ULK4: variants seen among roughly 807,000 people sequenced by gnomAD.
The protein encoded by ULK4 is inactive serine/threonine-protein kinase ULK4.
Under a neutral mutation model 160.6 loss-of-function variants are expected in ULK4, and 133 were observed. The ratio of observed to expected loss-of-function variants is 0.83; its 90% confidence interval spans 0.72 to 0.96. ULK4 has a LOEUF of 0.96. ULK4 is among the 40% of genes least tolerant of loss of function. The pLI, the probability that ULK4 is intolerant of heterozygous loss-of-function variation, is 0.00. For missense variants in ULK4, 1,580 were observed against 1,499.5 expected, an observed-to-expected ratio of 1.05 and a Z score of -0.89; for synonymous variants, 534 against 539.8, an observed-to-expected ratio of 0.99 and a Z score of 0.15.
chr3:41,463,986 G>C (rs1190452571), intron 32 of ULK4, among the ~76,000 whole-genome samples: 1 of 146,328 alleles, frequency 6.8e-6, no homozygotes, highest in African/African-American at 2.6e-5. Context: ...GGAATCAGTA[G>C]AGCATAAATT....
intron 35 of ULK4, among the ~76,000 whole-genome samples, chr3:41,397,214 A>G (rs1285793541): frequency 2.6e-5 from 4 of 152,152 alleles, no homozygotes; most frequent in Admixed American, 2.0e-4. Context: ...TTTACTGTAG[A>G]AAGAGAATAG....
At chr3:41,507,986 A>G (rs934212569) in intron 32 of ULK4, among the ~76,000 whole-genome samples, 1 of 152,230 alleles carries the variant, frequency 6.6e-6, no homozygotes, top group Admixed American at 6.5e-5. Flanking sequence ...CTGAGATGCC[A>G]AAAAACTGTG....
intron 23 of ULK4, among the ~76,000 whole-genome samples, chr3:41,716,715 C>G (rs566221494): frequency 5.9e-5 from 9 of 152,304 alleles, no homozygotes; most frequent in African/African-American, 2.2e-4. Context: ...ATAGCTACAT[C>G]TGCTGGAAAA....
At chr3:41,647,906 G>A (rs536706447) in intron 30 of ULK4, among the ~76,000 whole-genome samples, 8 of 152,300 alleles carry the variant, frequency 5.3e-5, no homozygotes, top group African/African-American at 1.4e-4. Context: ...AATGGCGGGC[G>A]CCCCTCCCCC....
chr3:41,606,247 T>C (rs2032379713), intron 31 of ULK4, among the ~76,000 whole-genome samples: 1 of 151,194 alleles, frequency 6.6e-6, no homozygotes, highest in African/African-American at 2.4e-5. Context: ...AAACGAAGAG[T>C]TAAAATTAAT....
At chr3:41,625,744 C>A (rs1266947762) in intron 30 of ULK4, among the ~76,000 whole-genome samples, 1 of 152,088 alleles carries the variant, frequency 6.6e-6, no homozygotes, top group Non-Finnish European at 1.5e-5. Flanking sequence ...CTTGTTATAT[C>A]CTAAATCCGA....
chr3:41,404,197 A>G (rs1205509326), intron 34 of ULK4, among the ~76,000 whole-genome samples: 1 of 129,824 alleles, frequency 7.7e-6, no homozygotes, highest in Middle Eastern at 4.0e-3. Flanking sequence ...ATCATTGTTG[A>G]TTTGTCTATT....
rs551534924 is a variant in ULK4 at position 41,277,250 on chromosome 3, T to C, written c.3679-27676A>G. 3.3e-5 allele frequency among the ~76,000 whole-genome samples: 5 copies of C among 152,318 alleles called. No individual in the cohort carries two copies. The South Asian group carries it at 6.2e-4, about 19-fold the overall frequency. On this transcript the variant is annotated intron_variant, in intron 35 of 36. Transcript: ENST00000301831. Reference sequence around the variant, plus strand: ...AAGGAACCCTCCCTAATTCATTCTATGAAGCCAGCATCACCCTAATACCAA... The same window carrying C: ...AAGGAACCCTCCCTAATTCATTCTACGAAGCCAGCATCACCCTAATACCAA...
chr3:41,383,748 C>T (rs1165597308), intron 35 of ULK4, among the ~76,000 whole-genome samples: 1 of 152,178 alleles, frequency 6.6e-6, no homozygotes, highest in Non-Finnish European at 1.5e-5. Context: ...CTGCAGAATG[C>T]AAAGCACCAG....
chr3:41,636,756 G>A (rs187754308), intron 30 of ULK4, among the ~76,000 whole-genome samples: 1,974 of 98,374 alleles, frequency 0.02, 23 homozygotes, highest in South Asian at 0.087. Flanking sequence ...TCCCTCCCCC[G>A]TCCCCCCACC....
intron 17 of ULK4, among the ~76,000 whole-genome samples, chr3:41,857,868 A>G (rs2042397587): frequency 2.3e-5 from 3 of 128,900 alleles, no homozygotes; most frequent in Non-Finnish European, 4.6e-5. Flanking sequence ...TAGTCTGGCT[A>G]AAGTTTGTCA....
At chr3:41,789,894 ATT>A in intron 20 of ULK4, 51 bp from the exon 21 acceptor site, 1 of 1,428,376 alleles carries the variant, frequency 7.0e-7, no homozygotes, top group South Asian at 1.6e-5. Flanking sequence ...TGCATCAATC[ATT>A]CCCCTGAAAG....
intron 17 of ULK4, among the ~76,000 whole-genome samples, chr3:41,872,354 G>A (rs979362076): frequency 1.3e-5 from 2 of 152,176 alleles, no homozygotes; most frequent in African/African-American, 4.8e-5. Flanking sequence ...TTCAAAGTTA[G>A]CCAATGACTG....
intron 20 of ULK4, among the ~76,000 whole-genome samples, chr3:41,797,497 T>A (rs1178470000): frequency 2.6e-5 from 4 of 152,096 alleles, no homozygotes; most frequent in Non-Finnish European, 5.9e-5. Context: ...ACTCTAAAAA[T>A]TGTAAATGAC....
intron 18 of ULK4, among the ~76,000 whole-genome samples, chr3:41,827,129 A>G (rs1027007141): frequency 4.1e-5 from 6 of 145,336 alleles, no homozygotes; most frequent in African/African-American, 1.3e-4. Flanking sequence ...AAGACACAAC[A>G]TACCAGAATA....
chr3:41,249,375 G>T, intron 36 of ULK4, 114 bp downstream of exon 36: 1 of 954,178 alleles, frequency 1.0e-6, no homozygotes, highest in Non-Finnish European at 1.6e-6. Flanking sequence ...GTGATGGGCT[G>T]GAAGGTGGTA....
intron 34 of ULK4, among the ~76,000 whole-genome samples, chr3:41,401,649 G>A (rs565395462): frequency 3.3e-5 from 5 of 152,274 alleles, no homozygotes; most frequent in East Asian, 3.9e-4. Flanking sequence ...AGTCTTCTGC[G>A]TAGGTTCCTC....
chr3:41,584,235 A>G (rs2030611391), intron 31 of ULK4, among the ~76,000 whole-genome samples: 2 of 152,320 alleles, frequency 1.3e-5, no homozygotes, highest in South Asian at 4.1e-4. Context: ...AAAATAATAT[A>G]AAGGATAAAT....
At chr3:41,899,718 C>T (rs1698284120) in intron 13 of ULK4, among the ~76,000 whole-genome samples, 1 of 152,276 alleles carries the variant, frequency 6.6e-6, no homozygotes, top group Admixed American at 6.5e-5. Flanking sequence ...ATTGGACACC[C>T]CTGGTAAAGA....
Sources: gnomAD v4.1 joint callset for allele counts (sites outside exome capture counted in the v4.1 genomes callset) on GRCh38, gnomAD v4.1.1 for gene constraint, MANE v1.5 for transcripts, NCBI Gene and HGNC (gene_info 2026-07-23, HGNC 2026-07-21) for gene names.